The following OSBP2 variants were observed in gnomAD, a reference collection of about 807,000 sequenced individuals.
OSBP2 encodes oxysterol binding protein 2.
OSBP2 carries 66 observed loss-of-function variants against 96.0 expected under a neutral mutation model. The ratio of observed to expected loss-of-function variants is 0.69; its 90% CI spans 0.56 to 0.84. OSBP2 has a LOEUF of 0.84. Among genes scored for constraint, OSBP2 ranks in the 40% least tolerant of loss-of-function variants. The probability of loss-of-function intolerance (pLI) is 0.00; values close to 1 mark genes in which losing one functional copy is unlikely to be tolerated. For missense variants in OSBP2, 1,038 were observed against 1,222.7 expected, an observed-to-expected ratio of 0.85 and a Z score of 2.25; for synonymous variants, 525 against 520.9, an observed-to-expected ratio of 1.01 and a Z score of -0.11.
At chr22:30,700,170 C>T (rs535191053) in intron 1 of OSBP2, among the ~76,000 whole-genome samples, 75 of 151,752 alleles carry the variant, frequency 4.9e-4, no homozygotes, top group Middle Eastern at 3.4e-3. Context: ...TTCACCATGT[C>T]GGCCAAGCTG....
chr22:30,837,051 T>C (rs2038649392), intron 2 of OSBP2, among the ~76,000 whole-genome samples: 1 of 151,944 alleles, frequency 6.6e-6, no homozygotes, highest in African/African-American at 2.4e-5. Flanking sequence ...AGGAGTTCAA[T>C]ACTAGCCTGG....
At chr22:30,859,936 G>A (rs886591611) in intron 2 of OSBP2, among the ~76,000 whole-genome samples, 7 of 152,020 alleles carry the variant, frequency 4.6e-5, no homozygotes, top group African/African-American at 1.7e-4. Flanking sequence ...CGCCGCCCCC[G>A]GCCCCTCTCT....
chr22:30,766,617 G>A (rs192150980), intron 2 of OSBP2, among the ~76,000 whole-genome samples: 1 of 152,204 alleles, frequency 6.6e-6, no homozygotes, highest in African/African-American at 2.4e-5. Flanking sequence ...AAAGCAGATG[G>A]TCAGACTCTC....
intron 2 of OSBP2, among the ~76,000 whole-genome samples, chr22:30,784,016 A>G (rs1399559712): frequency 6.6e-6 from 1 of 152,180 alleles, no homozygotes; most frequent in African/African-American, 2.4e-5. Context: ...AGAAGCAGGG[A>G]TGGCATCTTT....
intron 2 of OSBP2, chr22:30,773,238 G>A (rs1220445922): frequency 1.3e-5 from 2 of 151,716 alleles, no homozygotes; most frequent in Non-Finnish European, 2.9e-5. Context: ...GAGTAGCTGG[G>A]CTTACAGGTA....
chr22:30,794,263 T>A (rs1433667870), intron 2 of OSBP2, among the ~76,000 whole-genome samples: 3 of 61,404 alleles, frequency 4.9e-5, no homozygotes, highest in Non-Finnish European at 7.0e-5. Flanking sequence ...CCTCTATTCA[T>A]TTTTTTTTTT....
intron 2 of OSBP2, among the ~76,000 whole-genome samples, chr22:30,785,723 A>C (rs1230245947): frequency 6.6e-6 from 1 of 152,084 alleles, no homozygotes; most frequent in East Asian, 1.9e-4. Context: ...AGCTAGTGGG[A>C]GGTGACTGGA....
intron 2 of OSBP2, among the ~76,000 whole-genome samples, chr22:30,749,341 G>A (rs1271425350): frequency 1.3e-5 from 2 of 152,046 alleles, no homozygotes; most frequent in Admixed American, 6.6e-5. Flanking sequence ...TCTTTAGTTG[G>A]TTAATATCAT....
intron 2 of OSBP2, among the ~76,000 whole-genome samples, chr22:30,746,072 A>G (rs1040044935): frequency 3.3e-5 from 5 of 152,132 alleles, no homozygotes; most frequent in Non-Finnish European, 7.4e-5. Flanking sequence ...TCTTGAAACT[A>G]AGGAAAGTCC....
chr22:30,733,054 A>C (rs1029900940), intron 1 of OSBP2, among the ~76,000 whole-genome samples: 6 of 152,150 alleles, frequency 3.9e-5, no homozygotes, highest in Non-Finnish European at 7.4e-5. Context: ...ACCAAAAAGC[A>C]CTTCCGTTTC....
At chr22:30,758,029 G>T (rs1602223938) in intron 2 of OSBP2, among the ~76,000 whole-genome samples, 1 of 152,192 alleles carries the variant, frequency 6.6e-6, no homozygotes, top group Admixed American at 6.5e-5. Flanking sequence ...GACAGCAAGA[G>T]TGAGTCTTTT....
intron 1 of OSBP2, among the ~76,000 whole-genome samples, chr22:30,705,582 C>G (rs947853944): frequency 6.6e-6 from 1 of 152,160 alleles, no homozygotes; most frequent in Non-Finnish European, 1.5e-5. Context: ...GGTGAGCTAC[C>G]GCGTCTGGCC....
chr22:30,753,289 A>T (rs2090100487), intron 2 of OSBP2, among the ~76,000 whole-genome samples: 1 of 151,934 alleles, frequency 6.6e-6, no homozygotes, highest in Non-Finnish European at 1.5e-5. Context: ...GGGAGGTGAG[A>T]CTTGAGAAGC....
At chr22:30,861,346 G>A (rs148587042) in intron 2 of OSBP2, among the ~76,000 whole-genome samples, 2 of 152,264 alleles carry the variant, frequency 1.3e-5, no homozygotes, top group East Asian at 1.9e-4. Context: ...CTGGTAGGGC[G>A]GAAGCCCTGC....
chr22:30,754,689 T>G (rs1237858191), intron 2 of OSBP2, among the ~76,000 whole-genome samples: 6 of 152,186 alleles, frequency 3.9e-5, no homozygotes. Context: ...CTGTGTGCTG[T>G]GCTGTCCTGC....
intron 3 of OSBP2, among the ~76,000 whole-genome samples, chr22:30,877,535 C>T (rs1261928327): frequency 1.3e-5 from 2 of 152,192 alleles, no homozygotes; most frequent in Non-Finnish European, 2.9e-5. Context: ...TGAGTTCGTA[C>T]ATATTACAAG....
At position 30,890,153 on chromosome 22, in the gene OSBP2, G is replaced by A. The variant is rs1025962956; in HGVS notation, c.1623+517G>A. 6.6e-6 allele frequency among the ~76,000 whole-genome samples: 1 copy of A among 152,234 alleles called. No homozygotes were observed. The highest frequency in any genetic ancestry group is 1.9e-4 in the East Asian group (1 of 5,196). On this transcript the variant is annotated intron_variant, in intron 7 of 13. Transcript: ENST00000332585. The surrounding 1 kb of genome is among the most constrained non-coding windows in gnomAD (Gnocchi z 4.4). ...ACATCTCCAGCCTCTGTGTCCACAT[G>A]TGTAGGGTGGGGAGAAACACAGCGT...
chr22:30,754,997 C>G (rs1272616947), intron 2 of OSBP2, among the ~76,000 whole-genome samples: 1 of 152,198 alleles, frequency 6.6e-6, no homozygotes. Flanking sequence ...TGTATACCCA[C>G]TCTTTCTGCT....
At chr22:30,828,517 T>C (rs1001379871) in intron 2 of OSBP2, among the ~76,000 whole-genome samples, 1 of 152,060 alleles carries the variant, frequency 6.6e-6, no homozygotes, top group Non-Finnish European at 1.5e-5. Context: ...GTAGAGAAGA[T>C]TGAGAATATG....
Sources: gnomAD v4.1 joint callset for allele counts (sites outside exome capture counted in the v4.1 genomes callset) on GRCh38, gnomAD v4.1.1 for gene constraint, Gnocchi (gnomAD v3.1) non-coding constraint, MANE v1.5 for transcripts, NCBI Gene and HGNC (gene_info 2026-07-23, HGNC 2026-07-21) for gene names.